Variants in SAXO1 observed in about 807,000 individuals in gnomAD.
SAXO1 encodes the protein 4930500O09Rik.
SAXO1 carries 21 observed loss-of-function variants against 17.5 expected under a neutral mutation model. The observed-to-expected ratio is 1.20, with a 90% confidence interval of 0.85 to 1.72. SAXO1 has a LOEUF of 1.72. SAXO1 is among the 40% of genes most tolerant of loss of function. The probability of loss-of-function intolerance (pLI) is 0.00; values close to 1 mark genes in which losing one functional copy is unlikely to be tolerated. For missense variants in SAXO1, 843 were observed against 596.0 expected (o/e 1.41, Z -4.32); for synonymous variants, 274 against 216.5 (o/e 1.27, Z -2.33).
At chr9:18,961,641 T>C (rs1207039716) in intron 1 of SAXO1, among the ~76,000 whole-genome samples, 1 of 152,216 alleles carries the variant, frequency 6.6e-6, no homozygotes, top group African/African-American at 2.4e-5. Context: ...TCCAGCTTCA[T>C]CCATGTCCCT....
At chr9:19,023,831 G>A (rs1835353393) in intron 1 of SAXO1, among the ~76,000 whole-genome samples, 2 of 151,886 alleles carry the variant, frequency 1.3e-5, no homozygotes, top group Admixed American at 6.6e-5. Flanking sequence ...AGGAAGGAAA[G>A]GGAGGAAAGG....
intron 1 of SAXO1, among the ~76,000 whole-genome samples, chr9:19,016,103 G>A (rs1251992213): frequency 6.6e-6 from 1 of 152,112 alleles, no homozygotes; most frequent in East Asian, 1.9e-4. Context: ...AATAATATAA[G>A]ATCCATTCCT....
At chr9:19,006,840 G>A (rs563428685) in intron 1 of SAXO1, among the ~76,000 whole-genome samples, 16 of 152,162 alleles carry the variant, frequency 1.1e-4, no homozygotes, top group South Asian at 4.2e-4. Context: ...GAGGTCAAGC[G>A]TTCAAGACCA....
intron 1 of SAXO1, among the ~76,000 whole-genome samples, chr9:19,045,683 G>A (rs1389388304): frequency 6.6e-6 from 1 of 152,166 alleles, no homozygotes; most frequent in Admixed American, 6.5e-5. Flanking sequence ...GAGGCAGGCG[G>A]CAAGACTTTC....
chr9:18,955,717 T>G (rs1178767819), intron 1 of SAXO1, among the ~76,000 whole-genome samples: 1 of 152,144 alleles, frequency 6.6e-6, no homozygotes, highest in East Asian at 1.9e-4. Context: ...TTTATGCACT[T>G]GGAACACTAG....
At chr9:18,942,310 CT>C (rs1831598275) in intron 2 of SAXO1, among the ~76,000 whole-genome samples, 1 of 152,170 alleles carries the variant, frequency 6.6e-6, no homozygotes, top group African/African-American at 2.4e-5. Context: ...ATTTATAAGC[CT>C]TTCTGGACCT....
chr9:18,942,964 G>A (rs1254213506), intron 2 of SAXO1, among the ~76,000 whole-genome samples: 1 of 152,216 alleles, frequency 6.6e-6, no homozygotes, highest in Non-Finnish European at 1.5e-5. Context: ...CAAGGGAAGG[G>A]GAAGGTTTCC....
At chr9:19,024,127 C>A (rs1835371249) in intron 1 of SAXO1, among the ~76,000 whole-genome samples, 1 of 134,536 alleles carries the variant, frequency 7.4e-6, no homozygotes, top group Non-Finnish European at 1.5e-5. Context: ...CATTCTGAGA[C>A]ATGTAAGAGT....
intron 1 of SAXO1, chr9:19,027,853 C>A: frequency 7.2e-7 from 1 of 1,387,644 alleles, no homozygotes. Flanking sequence ...TCCTGGACCC[C>A]GCCCTGCTAC....
intron 1 of SAXO1, among the ~76,000 whole-genome samples, chr9:19,013,143 G>A (rs992046710): frequency 6.6e-6 from 1 of 151,836 alleles, no homozygotes; most frequent in African/African-American, 2.4e-5. Flanking sequence ...AAAAAAAAAA[G>A]GAATTTGTGA....
chr9:18,975,575 C>T (rs958064699), intron 1 of SAXO1, among the ~76,000 whole-genome samples: 2 of 152,178 alleles, frequency 1.3e-5, no homozygotes, highest in Non-Finnish European at 1.5e-5. Flanking sequence ...AAGCTAGACC[C>T]TGATATCAGT....
At chr9:18,938,027 T>C (rs955788178) in intron 3 of SAXO1, among the ~76,000 whole-genome samples, 1 of 152,222 alleles carries the variant, frequency 6.6e-6, no homozygotes, top group African/African-American at 2.4e-5. Flanking sequence ...AGGAAAACTA[T>C]GAACTCCAAC....
chr9:19,013,312 T>C (rs1834833117), intron 1 of SAXO1, among the ~76,000 whole-genome samples: 1 of 152,150 alleles, frequency 6.6e-6, no homozygotes, highest in Non-Finnish European at 1.5e-5. Context: ...AGCCAGGCTA[T>C]AATAGCAGAT....
intron 1 of SAXO1, among the ~76,000 whole-genome samples, chr9:19,044,657 T>G (rs111450013): frequency 1.7e-4 from 26 of 151,644 alleles, no homozygotes; most frequent in African/African-American, 5.3e-4. Flanking sequence ...GGTCAGAAGA[T>G]CGAGACCATC....
chr9:18,976,495 C>T (rs1005962581), intron 1 of SAXO1, among the ~76,000 whole-genome samples: 1 of 152,188 alleles, frequency 6.6e-6, no homozygotes, highest in Non-Finnish European at 1.5e-5. Flanking sequence ...AAGTGAAGTC[C>T]TGGGGTGCAC....
At chr9:18,949,763 G>A (rs1396402156) in intron 2 of SAXO1, among the ~76,000 whole-genome samples, 2 of 152,172 alleles carry the variant, frequency 1.3e-5, no homozygotes, top group African/African-American at 4.8e-5. Context: ...TAGACCATCT[G>A]GGACCTTTAC....
chr9:18,942,504 T>C (rs908461292), intron 2 of SAXO1, among the ~76,000 whole-genome samples: 1 of 152,098 alleles, frequency 6.6e-6, no homozygotes, highest in African/African-American at 2.4e-5. Flanking sequence ...CCCAAAAGCT[T>C]CTCCTGCTAA....
intron 1 of SAXO1, chr9:19,027,543 C>A: frequency 1.8e-6 from 2 of 1,118,200 alleles, no homozygotes; most frequent in Non-Finnish European, 2.7e-6. Flanking sequence ...ACCCTCCTGG[C>A]CTGGGCCTGT....
chr9:18,958,622 G>A (rs553133730), intron 1 of SAXO1, among the ~76,000 whole-genome samples: 3 of 151,980 alleles, frequency 2.0e-5, no homozygotes, highest in Non-Finnish European at 4.4e-5. Flanking sequence ...CACGCTGGAA[G>A]GATTAAGAGG....
Sources: gnomAD v4.1 joint callset for allele counts (sites outside exome capture counted in the v4.1 genomes callset) on GRCh38, gnomAD v4.1.1 for gene constraint, MANE v1.5 for transcripts, NCBI Gene and HGNC (gene_info 2026-07-23, HGNC 2026-07-21) for gene names.